The following FLT1 variants were observed in gnomAD, a reference collection of about 807,000 sequenced individuals.
FLT1 encodes fms related receptor tyrosine kinase 1.
In FLT1, 49 loss-of-function variants were observed where a neutral mutation model predicts 156.3. That is an observed-to-expected ratio of 0.31 (90% CI 0.25 to 0.40). The LOEUF (loss-of-function observed/expected upper bound fraction) is 0.40, where lower values mean the gene tolerates loss of function less well. FLT1 is among the 10% of genes least tolerant of loss of function. FLT1 has a pLI of 1.00. For synonymous variants in FLT1, 594 were observed against 583.8 expected (o/e 1.02, Z -0.25); for missense variants, 1,322 against 1,637.2 (o/e 0.81, Z 3.32).
rs1431911482 is a variant in FLT1 at position 28,328,478 on chromosome 13, C to T, written c.2708-928G>A. The T allele has an allele frequency of 3.9e-5, 6 of 152,266 alleles. No individual in the cohort carries two copies. In the South Asian group the frequency reaches 6.2e-4, roughly 16 times the overall value. 9.4% of individuals were successfully genotyped at this position (152,266 alleles called of 1,614,324 possible). On this transcript the variant is annotated intron_variant, in intron 19 of 29. Transcript: ENST00000282397. Reference sequence around the variant, plus strand: ...GTGACCCCGGAGCTGCTTCACCAGCCGCTGCCCAGGGCATGCCGGGAGCCC... The same window carrying T: ...GTGACCCCGGAGCTGCTTCACCAGCTGCTGCCCAGGGCATGCCGGGAGCCC...
Position 28,322,965 on chromosome 13 carries a change from G to A in FLT1, c.2797-19C>T. Reference sequence around the variant, plus strand: ...CTGCATCCTTTGAAGAGACCGAAAAGGACCCAGGTGAAAAGGAGCTCCAGC... The same window carrying A: ...CTGCATCCTTTGAAGAGACCGAAAAAGACCCAGGTGAAAAGGAGCTCCAGC... On this transcript the variant is annotated intron_variant, in intron 20 of 29. Coordinates refer to ENST00000282397, the MANE Select transcript of FLT1 (RefSeq NM_002019.4). This position sits in a 1 kb window ranked among gnomAD's most constrained non-coding sequence, Gnocchi z 4.3. The A allele has an allele frequency of 6.2e-7, 1 of 1,614,052 alleles. No homozygotes were observed. The highest frequency in any genetic ancestry group is 8.5e-7 in the Non-Finnish European group (1 of 1,179,988).
At chr13:28,464,215 G>A (rs574519817) in intron 3 of FLT1, among the ~76,000 whole-genome samples, 10 of 152,156 alleles carry the variant, frequency 6.6e-5, no homozygotes, top group South Asian at 6.2e-4. Flanking sequence ...GAAATACAAC[G>A]CATTTCACAA....
chr13:28,458,397 T>C (rs890239724), intron 3 of FLT1, among the ~76,000 whole-genome samples: 2 of 152,244 alleles, frequency 1.3e-5, no homozygotes, highest in Non-Finnish European at 2.9e-5. Flanking sequence ...CTTAGCAATG[T>C]GGCTCTAGAG....
In FLT1 at chr13:28,313,081, C is replaced by T. The variant is rs1482774955; in HGVS notation, c.3387-983G>A. The stretch of plus-strand genomic sequence containing the variant: ...GCAACCTCCGGCTCCCAGGTTCAAG[C>T]GATCCTCCTGCCTTAGCCTCCTGAG... On this transcript the variant is annotated intron_variant, in intron 25 of 29. Transcript: ENST00000282397. 5.3e-5 allele frequency among the ~76,000 whole-genome samples: 8 copies of T among 152,170 alleles called. No homozygotes were observed. In the South Asian group the frequency reaches 8.3e-4, roughly 16 times the overall value.
At chr13:28,433,314 T>C (rs562089190) in intron 6 of FLT1, among the ~76,000 whole-genome samples, 1 of 152,322 alleles carries the variant, frequency 6.6e-6, no homozygotes, top group African/African-American at 2.4e-5. Context: ...ACAGAATTGC[T>C]CCCCTGACAC....
Position 28,317,489 on chromosome 13 carries a change from A to G in FLT1, c.3386+9T>C, listed in dbSNP as rs748772078. The G allele has an allele frequency of 1.8e-5, 29 of 1,587,130 alleles. No homozygotes were observed. The Admixed American group carries it at 4.0e-4, about 22-fold the overall frequency. ...GTCAGATGGGGAGCAGAGGGCACCA[A>G]GGGCTCACATTTCAGGAGTAGAGTA... On this transcript the variant is annotated intron_variant, in intron 25 of 29. Coordinates refer to ENST00000282397, the MANE Select transcript of FLT1 (RefSeq NM_002019.4).
chr13:28,383,968 A>C (rs764313095), intron 14 of FLT1, among the ~76,000 whole-genome samples: 11 of 152,252 alleles, frequency 7.2e-5, no homozygotes, highest in Non-Finnish European at 1.2e-4. Flanking sequence ...TGGAATCTGC[A>C]GAAGGTGCTG....
At chr13:28,429,131 T>G (rs1179510740) in intron 8 of FLT1, among the ~76,000 whole-genome samples, 1 of 152,186 alleles carries the variant, frequency 6.6e-6, no homozygotes, top group African/African-American at 2.4e-5. Context: ...TAAACGTTTT[T>G]GATATTCTGA....
chr13:28,452,048 C>A (rs1241145545), intron 3 of FLT1, among the ~76,000 whole-genome samples: 1 of 152,230 alleles, frequency 6.6e-6, no homozygotes, highest in African/African-American at 2.4e-5. Flanking sequence ...TACGTGAACT[C>A]TTCTAGCTAT....
At chr13:28,317,468 G>T (rs1184606921) in intron 25 of FLT1, 30 bp downstream of exon 25, 2 of 1,394,978 alleles carry the variant, frequency 1.4e-6, no homozygotes, top group Admixed American at 1.7e-5. Flanking sequence ...CGAGCTGTCA[G>T]ATGGGGAGCA....
intron 3 of FLT1, among the ~76,000 whole-genome samples, chr13:28,454,281 G>A (rs1398358125): frequency 2.0e-5 from 3 of 152,112 alleles, no homozygotes; most frequent in Admixed American, 1.3e-4. Flanking sequence ...ATTGTCTCAT[G>A]TAGTCTCCTA....
chr13:28,492,090 A>G (rs1045405990), intron 1 of FLT1, among the ~76,000 whole-genome samples: 1 of 152,250 alleles, frequency 6.6e-6, no homozygotes, highest in African/African-American at 2.4e-5. Context: ...AAAAAAGTGC[A>G]GCTTCATAAA....
At chr13:28,311,906 T>C (rs1871021657) in intron 26 of FLT1, 87 bp downstream of exon 26, 10 of 1,067,702 alleles carry the variant, frequency 9.4e-6, no homozygotes, top group Admixed American at 1.8e-5. Flanking sequence ...TCAGCTATTA[T>C]ATTAATAGCT....
intron 1 of FLT1, among the ~76,000 whole-genome samples, chr13:28,473,473 C>T (rs570778932): frequency 5.3e-5 from 8 of 151,598 alleles, no homozygotes; most frequent in South Asian, 4.2e-4. Flanking sequence ...GGTGAAACCC[C>T]GTCTCTACTA....
At chr13:28,376,682 A>C (rs61763254) in intron 14 of FLT1, among the ~76,000 whole-genome samples, 13,631 of 152,294 alleles carry the variant, frequency 0.09, 657 homozygotes, top group South Asian at 0.13. Flanking sequence ...GCCACTGTGA[A>C]GAGGGTTGCC....
chr13:28,412,401 TTTCTTTC>T (rs1876343730), intron 10 of FLT1, among the ~76,000 whole-genome samples: 1 of 123,668 alleles, frequency 8.1e-6, no homozygotes, highest in African/African-American at 3.2e-5. Context: ...TCTTTCTTTC[TTTCTTTC>T]TTCTCTTTCT....
intron 3 of FLT1, among the ~76,000 whole-genome samples, chr13:28,453,438 C>T (rs1295020705): frequency 6.6e-6 from 1 of 152,132 alleles, no homozygotes; most frequent in East Asian, 1.9e-4. Context: ...CTACATATTT[C>T]TTAATGTATC....
chr13:28,387,014 A>AT (rs1874405956), intron 13 of FLT1: 2 of 1,038,888 alleles, frequency 1.9e-6, no homozygotes, highest in South Asian at 9.2e-5. Context: ...TACAAAGTAT[A>AT]GCATCATCAA....
intron 18 of FLT1, among the ~76,000 whole-genome samples, chr13:28,332,274 T>C (rs1175213023): frequency 6.6e-6 from 1 of 152,072 alleles, no homozygotes; most frequent in Non-Finnish European, 1.5e-5. Flanking sequence ...TCAAACTCAT[T>C]CATCTCCCTA....
Sources: gnomAD v4.1 joint callset for allele counts (sites outside exome capture counted in the v4.1 genomes callset) on GRCh38, gnomAD v4.1.1 for gene constraint, Gnocchi (gnomAD v3.1) non-coding constraint, MANE v1.5 for transcripts, NCBI Gene and HGNC (gene_info 2026-07-23, HGNC 2026-07-21) for gene names.